The following PUS10 variants were observed in gnomAD, a reference collection of about 807,000 sequenced individuals.
PUS10 encodes the protein tRNA pseudouridine synthase Pus10.
In PUS10, 59 loss-of-function variants were observed where a neutral mutation model predicts 75.0. The ratio of observed to expected loss-of-function variants is 0.79; its 90% CI spans 0.64 to 0.98. The LOEUF (loss-of-function observed/expected upper bound fraction) is 0.98, where lower values mean the gene tolerates loss of function less well. Ranked by LOEUF, PUS10 falls within the 50% of genes least tolerant of loss-of-function variation. The probability of loss-of-function intolerance (pLI) is 0.00; values close to 1 mark genes in which losing one functional copy is unlikely to be tolerated. For missense variants in PUS10, 650 were observed against 614.4 expected (o/e 1.06, Z -0.61); for synonymous variants, 219 against 211.6 (o/e 1.03, Z -0.30).
At chr2:60,943,720 G>C (rs1674760448) in intron 17 of PUS10, among the ~76,000 whole-genome samples, 1 of 151,662 alleles carries the variant, frequency 6.6e-6, no homozygotes, top group Non-Finnish European at 1.5e-5. Context: ...AAATTAATGA[G>C]TGTTTTCTCA....
Position 60,953,010 on chromosome 2 carries a change from A to C in PUS10, c.1295T>G (p.Leu432Arg). The change falls in exon 15 of 18, where the codon CTA becomes CGA. Residue 432 changes from leucine to arginine, a missense_variant. Coordinates refer to ENST00000316752, the MANE Select transcript of PUS10 (RefSeq NM_144709.4). ...KAIQKKDIEF[L>R]NDIKDLKIDQ... ...CACTTAAACTACCTTTATGTCATTT[A>C]GGAATTCAATGTCTTTCTTCTGTAT... is the stretch of plus-strand genomic sequence containing the variant. 6.5e-7 allele frequency: 1 copy of C among 1,529,532 alleles called. No individual in the cohort carries two copies. The highest frequency in any genetic ancestry group is 9.1e-7 in the Non-Finnish European group (1 of 1,103,874). The allele number at this position is 1,529,532 out of a possible 1,614,324, so 94.7% of individuals were successfully genotyped here. A position where few individuals can be genotyped will look rare whatever the true frequency, so the allele number is the denominator to read the frequency against.
chr2:60,980,970 C>A (rs1317702452), intron 4 of PUS10, among the ~76,000 whole-genome samples: 3 of 152,174 alleles, frequency 2.0e-5, no homozygotes, highest in African/African-American at 7.2e-5. Flanking sequence ...CGTCTCACTG[C>A]AACCTCTCCT....
intron 4 of PUS10, among the ~76,000 whole-genome samples, chr2:60,973,198 G>A (rs1477925101): frequency 6.6e-6 from 1 of 152,252 alleles, no homozygotes; most frequent in Non-Finnish European, 1.5e-5. Context: ...GCACAGCCGG[G>A]ACTCGTGGGG....
intron 15 of PUS10, among the ~76,000 whole-genome samples, chr2:60,952,037 G>T (rs1029488033): frequency 6.6e-6 from 1 of 152,030 alleles, no homozygotes; most frequent in Non-Finnish European, 1.5e-5. Context: ...CCTTGCATTT[G>T]AAAGTAAACT....
chr2:60,982,678 G>C (rs1389404317), intron 4 of PUS10, among the ~76,000 whole-genome samples: 1 of 152,096 alleles, frequency 6.6e-6, no homozygotes, highest in African/African-American at 2.4e-5. Context: ...AACAAAAACA[G>C]ATAATTTCTT....
At chr2:60,954,050 C>T in intron 13 of PUS10, 32 bp downstream of exon 13, 2 of 1,611,422 alleles carry the variant, frequency 1.2e-6, no homozygotes, top group Non-Finnish European at 1.7e-6. Flanking sequence ...ATTGCAGAAA[C>T]ATGACGATTT....
chr2:60,954,261 G>A, intron 12 of PUS10, 103 bp from the exon 13 acceptor site: 1 of 1,016,262 alleles, frequency 9.8e-7, no homozygotes, highest in Non-Finnish European at 1.5e-6. Flanking sequence ...TTGAGCTCTA[G>A]AGGACTGAAA....
Position 61,003,503 on chromosome 2 carries a change from G to A in PUS10, c.468+3054C>T, listed in dbSNP as rs547848783. On this transcript the variant is annotated intron_variant, in intron 4 of 17. Coordinates refer to ENST00000316752, the MANE Select transcript of PUS10 (RefSeq NM_144709.4). ...AATTGCTGTCATCAGAAAGGGATTC[G>A]TAGAACCAATAATATAGATGCGTTA... Among the ~76,000 whole-genome samples the A allele has an allele frequency of 1.2e-3, 188 of 151,020 alleles. 1 individual carries two copies. Among genetic ancestry groups the A allele is most frequent in the African/African-American group, 4.3e-3 (177 of 41,190 alleles).
intron 4 of PUS10, among the ~76,000 whole-genome samples, chr2:60,978,509 C>T (rs1427983757): frequency 6.6e-6 from 1 of 151,364 alleles, no homozygotes. Flanking sequence ...GTGCAAATGC[C>T]AGAGAGCACT....
chr2:60,973,196 G>A (rs1035751002), intron 4 of PUS10, among the ~76,000 whole-genome samples: 1 of 152,244 alleles, frequency 6.6e-6, no homozygotes, highest in Non-Finnish European at 1.5e-5. Context: ...AGGCACAGCC[G>A]GGACTCGTGG....
chr2:60,962,771 A>T lies in PUS10; in HGVS notation c.788+55T>A, dbSNP rs983879324. The T allele has an allele frequency of 5.2e-6, 8 of 1,549,394 alleles. No homozygotes were observed. The African/African-American group carries it at 9.7e-5, about 19-fold the overall frequency. The stretch of plus-strand genomic sequence containing the variant: ...AGAGATAATCCAGCTTATCTCTAAC[A>T]TTCCCTTTATTCTAAAATTTCACGA... On this transcript the variant is annotated intron_variant, in intron 9 of 17. Transcript: ENST00000316752.
chr2:60,960,276 C>T, intron 11 of PUS10, 116 bp downstream of exon 11: 1 of 767,352 alleles, frequency 1.3e-6, no homozygotes, highest in East Asian at 3.4e-5. Context: ...CCCAGGAAGT[C>T]AAGGCTGCCA....
At chr2:60,982,413 C>T (rs938074433) in intron 4 of PUS10, among the ~76,000 whole-genome samples, 23 of 152,032 alleles carry the variant, frequency 1.5e-4, no homozygotes, top group African/African-American at 4.8e-4. Flanking sequence ...CAGGTGTGCA[C>T]CACCACACCC....
intron 1 of PUS10, chr2:61,017,274 G>A (rs1680061067): frequency 6.5e-6 from 1 of 153,032 alleles, no homozygotes; most frequent in African/African-American, 2.4e-5. Context: ...GAGGAAACGT[G>A]CGTTTTAGAA....
chr2:61,017,636 A>T (rs1680088419), intron 1 of PUS10: 2 of 690,910 alleles, frequency 2.9e-6, no homozygotes, highest in Non-Finnish European at 4.9e-6. Flanking sequence ...CCTTGTCCTG[A>T]CTGCAAGGGT....
chr2:61,012,667 T>C, intron 1 of PUS10, among the ~76,000 whole-genome samples: 1 of 118,262 alleles, frequency 8.5e-6, no homozygotes, highest in African/African-American at 3.7e-5. Flanking sequence ...CTACTAAAAA[T>C]ACAAAAAAAA....
At chr2:61,005,209 C>T (rs1335337275) in intron 4 of PUS10, among the ~76,000 whole-genome samples, 1 of 152,068 alleles carries the variant, frequency 6.6e-6, no homozygotes, top group Non-Finnish European at 1.5e-5. Flanking sequence ...TGCAGTGAGC[C>T]GAGATGGCGC....
At chr2:61,008,383 C>T (rs1558995554) in intron 3 of PUS10, among the ~76,000 whole-genome samples, 1 of 151,936 alleles carries the variant, frequency 6.6e-6, no homozygotes, top group Non-Finnish European at 1.5e-5. Flanking sequence ...ATTAGCCAGG[C>T]ATGAGGCTGA....
chr2:61,010,519 G>T, intron 2 of PUS10: 1 of 258,324 alleles, frequency 3.9e-6, no homozygotes, highest in Non-Finnish European at 7.7e-6. Context: ...TAGAGACAGG[G>T]TTTCATCATC....
Sources: gnomAD v4.1 joint callset for allele counts (sites outside exome capture counted in the v4.1 genomes callset) on GRCh38, gnomAD v4.1.1 for gene constraint, MANE v1.5 for transcripts, NCBI Gene and HGNC (gene_info 2026-07-23, HGNC 2026-07-21) for gene names.